TNFSF8: variants seen among roughly 807,000 people sequenced by gnomAD.
The protein encoded by TNFSF8 is tumor necrosis factor ligand superfamily member 8.
A neutral mutation model predicts 22.0 loss-of-function variants in TNFSF8; 4 were observed. That is an observed-to-expected ratio of 0.18 (90% confidence interval 0.09 to 0.42). The LOEUF is 0.42. TNFSF8 is among the 10% of genes least tolerant of loss of function. The pLI is 1.00. For synonymous variants in TNFSF8, 106 were observed against 112.5 expected (o/e 0.94, Z 0.37); for missense variants, 233 against 281.8 (o/e 0.83, Z 1.24).
chr9:114,928,584 C>T (rs2181032), intron 1 of TNFSF8, among the ~76,000 whole-genome samples: 3,978 of 152,260 alleles, frequency 0.026, 262 homozygotes, highest in East Asian at 0.15. Flanking sequence ...TCTTAAAGGA[C>T]ACTTCAATTT....
chr9:114,918,224 T>A, intron 1 of TNFSF8, 86 bp from the exon 2 acceptor site: 2 of 1,237,650 alleles, frequency 1.6e-6, no homozygotes, highest in Non-Finnish European at 2.2e-6. Flanking sequence ...TTGTTGTCCT[T>A]AAAGTACTGT....
At chr9:114,920,857 C>T (rs893117481) in intron 1 of TNFSF8, among the ~76,000 whole-genome samples, 2 of 152,038 alleles carry the variant, frequency 1.3e-5, no homozygotes, top group East Asian at 1.9e-4. Context: ...TTAGTAGAGA[C>T]GGGATTTCGC....
rs3181369 is a variant in TNFSF8 at position 114,903,586 on chromosome 9, G to A, written c.*345C>T. The A allele has an allele frequency of 0.39, 210,268 of 542,922 alleles. 41,789 individuals are homozygous for A. The highest frequency in any genetic ancestry group is 0.45 in the Admixed American group (7,915 of 17,552). The allele number at this position is 542,922 out of a possible 1,614,324, so 33.6% of individuals were successfully genotyped here. A position where few individuals can be genotyped will look rare whatever the true frequency, so the allele number is the denominator to read the frequency against. On this transcript the variant is annotated 3_prime_UTR_variant, in exon 4 of 4. Coordinates refer to ENST00000223795, the MANE Select transcript of TNFSF8 (RefSeq NM_001244.4). ...AGAGTTGCTAGCTGCTCTGGTACTG[G>A]AGCCCCATTTTAACTGGAGGCTCTC...
downstream of TNFSF8, among the ~76,000 whole-genome samples, chr9:114,896,683 A>G (rs914282523): frequency 2.0e-5 from 3 of 152,218 alleles, no homozygotes; most frequent in Non-Finnish European, 4.4e-5. Flanking sequence ...TAATCACAAA[A>G]TGACTAGAAT....
At chr9:114,897,743 T>C (rs998270657), downstream of TNFSF8, among the ~76,000 whole-genome samples, 1 of 151,928 alleles carries the variant, frequency 6.6e-6, no homozygotes, top group Non-Finnish European at 1.5e-5. Flanking sequence ...AGGAGTGCAA[T>C]GTGATTTGAT....
chr9:114,895,666 A>G (rs1308457026), intron 4 of TNFSF8, among the ~76,000 whole-genome samples: 2 of 152,144 alleles, frequency 1.3e-5, no homozygotes, highest in Non-Finnish European at 2.9e-5. Context: ...TGTTCTCCCA[A>G]CAGCTTCCCA....
chr9:114,924,234 T>C (rs117511682), intron 1 of TNFSF8, among the ~76,000 whole-genome samples: 328 of 152,290 alleles, frequency 2.2e-3, no homozygotes, highest in Non-Finnish European at 3.3e-3. Context: ...CCCTGAGATT[T>C]TGAATTTCTA....
downstream of TNFSF8, among the ~76,000 whole-genome samples, chr9:114,900,826 G>T (rs940267698): frequency 6.6e-6 from 1 of 152,020 alleles, no homozygotes; most frequent in Non-Finnish European, 1.5e-5. Context: ...TACTAAAAAC[G>T]CAAAAATCAG....
At chr9:114,910,134 T>C (rs945955900) in intron 2 of TNFSF8, among the ~76,000 whole-genome samples, 3 of 152,206 alleles carry the variant, frequency 2.0e-5, no homozygotes, top group Non-Finnish European at 4.4e-5. Flanking sequence ...CTTTAGCCTC[T>C]TCTAGAAGGA....
chr9:114,919,656 C>A (rs747946691), intron 1 of TNFSF8, among the ~76,000 whole-genome samples: 1 of 152,094 alleles, frequency 6.6e-6, no homozygotes, highest in African/African-American at 2.4e-5. Context: ...GAGGTGTGAG[C>A]GTGTGTATGC....
downstream of TNFSF8, among the ~76,000 whole-genome samples, chr9:114,897,491 G>A (rs1385327825): frequency 6.6e-6 from 1 of 152,136 alleles, no homozygotes; most frequent in Non-Finnish European, 1.5e-5. Context: ...GAGAGAACCA[G>A]GGGTGAAGGG....
chr9:114,920,756 T>C (rs1052584032), intron 1 of TNFSF8, among the ~76,000 whole-genome samples: 3 of 152,042 alleles, frequency 2.0e-5, no homozygotes, highest in African/African-American at 7.2e-5. Context: ...GTAGCCTCCA[T>C]CTCCTGGATT....
intron 1 of TNFSF8, among the ~76,000 whole-genome samples, chr9:114,926,322 C>CGG (rs1363671827): frequency 6.6e-6 from 1 of 152,002 alleles, no homozygotes; most frequent in African/African-American, 2.4e-5. Flanking sequence ...TCCAGCTACT[C>CGG]GGGAGACTGA....
intron 1 of TNFSF8, among the ~76,000 whole-genome samples, chr9:114,924,867 C>T (rs1828036484): frequency 6.6e-6 from 1 of 152,190 alleles, no homozygotes; most frequent in Non-Finnish European, 1.5e-5. Flanking sequence ...TTGCCCCTTC[C>T]ACTGGGGACC....
chr9:114,929,406 A>G (rs1828107542), intron 1 of TNFSF8, among the ~76,000 whole-genome samples: 1 of 141,486 alleles, frequency 7.1e-6, no homozygotes, highest in Non-Finnish European at 1.5e-5. Flanking sequence ...GTTGTGGCTT[A>G]AGAGGAAGCT....
chr9:114,895,228 T>C (rs1827644988), intron 4 of TNFSF8, among the ~76,000 whole-genome samples: 1 of 152,210 alleles, frequency 6.6e-6, no homozygotes, highest in Non-Finnish European at 1.5e-5. Flanking sequence ...AGTGCTGACT[T>C]TGTGTAGGAC....
In TNFSF8 at chr9:114,914,682, G is replaced by A. The variant is rs1225623531; in HGVS notation, c.238+3414C>T. Among the ~76,000 whole-genome samples, 3 of 152,128 alleles carry A rather than the reference G, an allele frequency of 2.0e-5. No individual in the cohort carries two copies. The South Asian group carries it at 6.2e-4, about 31-fold the overall frequency. The stretch of plus-strand genomic sequence containing the variant: ...ATTGCTGTCCCATTTCATCCTCATG[G>A]TGGCTTCATGCAAAAATCATTATTA... On this transcript the variant is annotated intron_variant, in intron 2 of 3. Coordinates refer to ENST00000223795, the MANE Select transcript of TNFSF8 (RefSeq NM_001244.4).
chr9:114,921,859 C>T (rs1827992301), intron 1 of TNFSF8, among the ~76,000 whole-genome samples: 2 of 152,178 alleles, frequency 1.3e-5, no homozygotes. Flanking sequence ...GGTATACTTC[C>T]TTAAGTGTAC....
chr9:114,913,899 C>T (rs1304760404), intron 2 of TNFSF8, among the ~76,000 whole-genome samples: 1 of 152,194 alleles, frequency 6.6e-6, no homozygotes, highest in Non-Finnish European at 1.5e-5. Context: ...GCCGTGGCCT[C>T]ATACGGATGC....
Sources: gnomAD v4.1 joint callset for allele counts (sites outside exome capture counted in the v4.1 genomes callset) on GRCh38, gnomAD v4.1.1 for gene constraint, MANE v1.5 for transcripts, NCBI Gene and HGNC (gene_info 2026-07-23, HGNC 2026-07-21) for gene names.